The following FSD1L variants were observed in gnomAD, a reference collection of about 807,000 sequenced individuals.
The protein encoded by FSD1L is FSD1-like protein.
Under a neutral mutation model 71.6 loss-of-function variants are expected in FSD1L, and 45 were observed. The ratio of observed to expected loss-of-function variants is 0.63; its 90% CI spans 0.49 to 0.81. The LOEUF is 0.81. FSD1L is among the 30% of genes least tolerant of loss of function. The pLI, the probability that FSD1L is intolerant of heterozygous loss-of-function variation, is 0.00. For synonymous variants in FSD1L, 197 were observed against 207.2 expected (o/e 0.95, Z 0.42); for missense variants, 561 against 618.1 (o/e 0.91, Z 0.98).
chr9:105,541,716 T>G (rs748213767), intron 13 of FSD1L, among the ~76,000 whole-genome samples: 4 of 152,206 alleles, frequency 2.6e-5, no homozygotes, highest in African/African-American at 2.4e-5. Flanking sequence ...CCTGCAGTTG[T>G]ATAACCACCA....
At chr9:105,449,815 A>G (rs12342465) in intron 1 of FSD1L, among the ~76,000 whole-genome samples, 19,863 of 151,910 alleles carry the variant, frequency 0.13, 1,667 homozygotes, top group African/African-American at 0.24. Flanking sequence ...TACTAGCCCT[A>G]AGGCTAAGAT....
chr9:105,506,401 C>A lies in FSD1L; in HGVS notation c.589C>A (p.Pro197Thr), dbSNP rs1564122567. 3 of 1,548,702 alleles carry A rather than the reference C, an allele frequency of 1.9e-6. No individual in the cohort carries two copies. Among genetic ancestry groups the A allele is most frequent in the South Asian group, 2.4e-5 (2 of 83,850 alleles). Residue 197 changes from proline (P) to threonine (T), a missense_variant and splice_region_variant, in exon 8 of 14, where the codon CCC (proline) becomes ACC (threonine). This residue lies in a region of FSD1L where 410 missense variants were observed against 413.5 expected (regional missense o/e 0.99). Transcript: ENST00000481272. ...TTTTTTTTTTTTCTTCTTTGCAGTC[C>A]CCAAAGCTCCAGAGATAGATCCAGT... is the stretch of plus-strand genomic sequence containing the variant. The part of the protein sequence containing the change: ...MLQTLKFLPV[P>T]KAPEIDPVEC...
chr9:105,544,801 C>A (rs1383108930), intron 13 of FSD1L, among the ~76,000 whole-genome samples: 7 of 152,114 alleles, frequency 4.6e-5, no homozygotes, highest in East Asian at 1.9e-4. Flanking sequence ...TGTTTTGGTA[C>A]CAGTACCATG....
intron 6 of FSD1L, among the ~76,000 whole-genome samples, chr9:105,480,989 C>T (rs185214733): frequency 2.0e-5 from 3 of 152,140 alleles, no homozygotes; most frequent in East Asian, 3.9e-4. Flanking sequence ...TTTGTCTTTG[C>T]CCAGATTTGT....
rs968115814 is a variant in FSD1L, at chr9:105,448,053, G to A, written c.-168G>A. 3 of 726,046 alleles carry A rather than the reference G, an allele frequency of 4.1e-6. No individual in the cohort carries two copies. The highest frequency in any genetic ancestry group is 2.4e-6 in the Non-Finnish European group (1 of 425,442). 45.0% of individuals were successfully genotyped at this position (726,046 alleles called of 1,614,324 possible). A position where few individuals can be genotyped will look rare whatever the true frequency, so the allele number is the denominator to read the frequency against. ...GCCGCCCTTTCACCCTGGCAACCGC[G>A]GCGTGACTACGGCGCGCGCGGTCTG... is the stretch of plus-strand genomic sequence containing the variant. On this transcript the variant is annotated 5_prime_UTR_variant, in exon 1 of 14. Transcript: ENST00000481272.
intron 1 of FSD1L, among the ~76,000 whole-genome samples, chr9:105,452,665 G>GCCTGCCTGCCTGCCTGCCTGCCTGCCTT (rs1830095598): frequency 2.3e-5 from 2 of 85,850 alleles, no homozygotes; most frequent in African/African-American, 9.5e-5. Flanking sequence ...CTGCCTGCCT[G>GCCTGCCTGCCTGCCTGCCTGCCTGCCTT]CCTGCCTTCC....
At position 105,547,882 on chromosome 9, in the gene FSD1L, T is replaced by C. The variant is rs1308003191; in HGVS notation, c.*1399T>C. ...TTTTTTCATTCTCATTTAAAATATA[T>C]TGTGCTATGATAACCAACCTTCTTC... On this transcript the variant is annotated 3_prime_UTR_variant, in exon 14 of 14. Coordinates refer to ENST00000481272, the MANE Select transcript of FSD1L (RefSeq NM_001145313.3). 3 of 152,090 alleles carry C rather than the reference T, an allele frequency of 2.0e-5. No homozygotes were observed. Among genetic ancestry groups the C allele is most frequent in the South Asian group, 4.1e-4 (2 of 4,832 alleles). The allele number at this position is 152,090 out of a possible 1,614,324, so 9.4% of individuals were successfully genotyped here.
At chr9:105,494,121 G>A (rs1035824686) in intron 7 of FSD1L, among the ~76,000 whole-genome samples, 115 of 152,108 alleles carry the variant, frequency 7.6e-4, no homozygotes, top group African/African-American at 2.6e-3. Flanking sequence ...CATTCTCCCC[G>A]TCACTTTCAG....
intron 7 of FSD1L, among the ~76,000 whole-genome samples, chr9:105,495,715 G>C (rs761530029): frequency 2.0e-5 from 3 of 152,172 alleles, no homozygotes; most frequent in Non-Finnish European, 4.4e-5. Flanking sequence ...GGTGGCTCAC[G>C]CCTGTAACCC....
At chr9:105,528,191 A>G (rs905917004) in intron 10 of FSD1L, among the ~76,000 whole-genome samples, 25 of 152,316 alleles carry the variant, frequency 1.6e-4, no homozygotes, top group African/African-American at 5.1e-4. Flanking sequence ...GGAATAATCA[A>G]TATCGTGAAA....
At position 105,469,110 on chromosome 9, in the gene FSD1L, G is replaced by A. The variant is rs79763278; in HGVS notation, c.339+786G>A. ...ATGTGCTAGGATTTCCTCCTTTTTT[G>A]TGGTTGAATAATATTCCACTTATGT... On this transcript the variant is annotated intron_variant, in intron 4 of 13. Coordinates refer to ENST00000481272, the MANE Select transcript of FSD1L (RefSeq NM_001145313.3). Among the ~76,000 whole-genome samples, 1,403 of 152,032 alleles carry A rather than the reference G, an allele frequency of 9.2e-3. 21 individuals are homozygous for A. Among genetic ancestry groups the A allele is most frequent in the African/African-American group, 0.032 (1,344 of 41,460 alleles).
intron 10 of FSD1L, chr9:105,520,189 A>G: frequency 1.9e-6 from 3 of 1,611,550 alleles, no homozygotes; most frequent in Non-Finnish European, 2.5e-6. Flanking sequence ...CTAGACACCA[A>G]GAAGGACGCA....
At chr9:105,451,256 G>T (rs1829985514) in intron 1 of FSD1L, among the ~76,000 whole-genome samples, 1 of 152,236 alleles carries the variant, frequency 6.6e-6, no homozygotes, top group Non-Finnish European at 1.5e-5. Context: ...ACCGCGCCCG[G>T]CCCGACATTT....
chr9:105,457,602 C>T (rs894704311), intron 1 of FSD1L, among the ~76,000 whole-genome samples: 2 of 152,238 alleles, frequency 1.3e-5, no homozygotes, highest in African/African-American at 4.8e-5. Flanking sequence ...TTGGATGTTT[C>T]TTAACCAGCT....
intron 10 of FSD1L, chr9:105,525,019 A>C (rs1835420086): frequency 3.2e-6 from 5 of 1,574,118 alleles, no homozygotes; most frequent in South Asian, 2.3e-5. Flanking sequence ...CTGGCCTTGC[A>C]TCAGCCAATT....
chr9:105,544,810 T>C (rs1285365279), intron 13 of FSD1L, among the ~76,000 whole-genome samples: 2 of 152,348 alleles, frequency 1.3e-5, no homozygotes, highest in Admixed American at 1.3e-4. Flanking sequence ...ACCAGTACCA[T>C]GCTGTTTTGG....
intron 10 of FSD1L, 63 bp from the exon 11 acceptor site, chr9:105,534,424 CTAGTTT>C: frequency 1.3e-6 from 1 of 789,676 alleles, no homozygotes; most frequent in South Asian, 1.8e-5. Flanking sequence ...TCCATGATTT[CTAGTTT>C]TAGTTTATGA....
rs145348291 is a variant in FSD1L at position 105,476,092 on chromosome 9, A to G, written c.442-3262A>G. Reference sequence around the variant, plus strand: ...AAGAAAATAGTTTCTATATTCACCCATTACAGATTAAGAACAAAAGAGATT... The same window carrying G: ...AAGAAAATAGTTTCTATATTCACCCGTTACAGATTAAGAACAAAAGAGATT... On this transcript the variant is annotated intron_variant, in intron 5 of 13. Transcript: ENST00000481272. Among the ~76,000 whole-genome samples the G allele has an allele frequency of 8.3e-3, 1,269 of 152,312 alleles. 20 individuals are homozygous for G. The highest frequency in any genetic ancestry group is 0.029 in the African/African-American group (1,211 of 41,586).
intron 13 of FSD1L, among the ~76,000 whole-genome samples, chr9:105,542,484 C>T (rs922124156): frequency 3.9e-5 from 6 of 152,136 alleles, no homozygotes; most frequent in African/African-American, 1.2e-4. Flanking sequence ...GACAGGGTCT[C>T]GCTCTGTCAC....
Sources: allele counts gnomAD v4.1 joint callset (sites outside exome capture counted in the v4.1 genomes callset), GRCh38; gene constraint gnomAD v4.1.1; regional missense constraint gnomAD v4.1.1; transcripts MANE v1.5; gene names NCBI Gene and HGNC (gene_info 2026-07-23, HGNC 2026-07-21).